Variants in TIAM1 observed in about 807,000 individuals in gnomAD.
TIAM1 encodes TIAM Rac1 associated GEF 1, also known as rho guanine nucleotide exchange factor TIAM1.
TIAM1 carries 65 observed loss-of-function variants against 163.5 expected under a neutral mutation model. That is an observed-to-expected ratio of 0.40 (90% CI 0.33 to 0.49). TIAM1 has a LOEUF of 0.49. Ranked by LOEUF, TIAM1 falls within the 20% of genes least tolerant of loss-of-function variation. TIAM1 has a pLI of 0.77. For missense variants in TIAM1, 1,789 were observed against 2,044.7 expected (o/e 0.87, Z 2.41); for synonymous variants, 833 against 810.1 (o/e 1.03, Z -0.48).
rs1187322512 is a variant in TIAM1, at chr21:31,529,906, G to T, written c.-422+29021C>A. 3.3e-5 allele frequency among the ~76,000 whole-genome samples: 5 copies of T among 152,218 alleles called. No homozygotes were observed. The South Asian group carries it at 8.3e-4, about 25-fold the overall frequency. On this transcript the variant is annotated intron_variant, in intron 1 of 28. Transcript: ENST00000286827. ...CCTCCTGTCAGTTTCTGTCATCTCC[G>T]CGGAAGTGTCATGGACATTACAGCA... is the stretch of plus-strand genomic sequence containing the variant.
chr21:31,304,405 T>C (rs985329685), intron 2 of TIAM1, among the ~76,000 whole-genome samples: 1 of 152,214 alleles, frequency 6.6e-6, no homozygotes, highest in African/African-American at 2.4e-5. Flanking sequence ...AATCCCAGTC[T>C]GAAGTTTTGA....
intron 1 of TIAM1, among the ~76,000 whole-genome samples, chr21:31,340,665 T>A (rs1490129732): frequency 2.6e-5 from 4 of 152,054 alleles, no homozygotes; most frequent in Non-Finnish European, 4.4e-5. Flanking sequence ...ATGACCAGCT[T>A]CCAAGTTAAA....
chr21:31,210,735 GAAGGAAGGAAGGGAGAAA>G (rs2086804134), intron 10 of TIAM1, among the ~76,000 whole-genome samples: 4 of 96,376 alleles, frequency 4.2e-5, no homozygotes, highest in African/African-American at 2.4e-4. Flanking sequence ...GAAAGAGAAA[GAAGGAAGGAAGGGAGAAA>G]GAAAGAAAGA....
At chr21:31,474,276 G>T (rs573233974) in intron 1 of TIAM1, among the ~76,000 whole-genome samples, 1 of 152,146 alleles carries the variant, frequency 6.6e-6, no homozygotes, top group Non-Finnish European at 1.5e-5. Context: ...AATCGTATTA[G>T]AGAATATTAA....
intron 2 of TIAM1, among the ~76,000 whole-genome samples, chr21:31,374,734 T>G (rs1460163418): frequency 2.6e-5 from 4 of 152,182 alleles, no homozygotes; most frequent in Non-Finnish European, 5.9e-5. Context: ...CAAGGCAATA[T>G]GGGATAAGAC....
chr21:31,233,271 AAAG>A (rs2088542019), intron 6 of TIAM1, among the ~76,000 whole-genome samples: 2 of 152,254 alleles, frequency 1.3e-5, no homozygotes, highest in Non-Finnish European at 2.9e-5. Context: ...AAAGAAAAAA[AAAG>A]AAAGTTACCA....
At chr21:31,551,289 T>C (rs2048677432) in intron 1 of TIAM1, among the ~76,000 whole-genome samples, 1 of 151,354 alleles carries the variant, frequency 6.6e-6, no homozygotes, top group Non-Finnish European at 1.5e-5. Context: ...ACACCTGTAA[T>C]CCCAGCTACT....
chr21:31,475,965 A>T (rs1234159992), intron 1 of TIAM1, among the ~76,000 whole-genome samples: 2 of 152,184 alleles, frequency 1.3e-5, no homozygotes, highest in Admixed American at 1.3e-4. Flanking sequence ...AATGCCTAAA[A>T]CGGCTGCCTA....
At chr21:31,502,690 AG>A (rs1185316000) in intron 1 of TIAM1, among the ~76,000 whole-genome samples, 1 of 152,192 alleles carries the variant, frequency 6.6e-6, no homozygotes, top group African/African-American at 2.4e-5. Flanking sequence ...ATCCGTCTTG[AG>A]TTTCCTGGTT....
chr21:31,218,453 T>C (rs368607116), intron 8 of TIAM1, among the ~76,000 whole-genome samples: 2 of 151,990 alleles, frequency 1.3e-5, no homozygotes, highest in Non-Finnish European at 2.9e-5. Flanking sequence ...CCTGTAATCC[T>C]AGCTACTTGG....
In TIAM1 at chr21:31,442,084, T is replaced by TATATATATATATATATAG. The variant is rs1389424801; in HGVS notation, c.-369+21898_-369+21899insCTATATATATATATATAT. Among the ~76,000 whole-genome samples the TATATATATATATATATAG allele has an allele frequency of 1.4e-4, 17 of 122,674 alleles. 1 individual carries two copies. The highest frequency in any genetic ancestry group is 5.3e-4 in the African/African-American group (17 of 32,068). The allele number at this position is 122,674 out of a possible 152,430, so 80.5% of individuals were successfully genotyped here. On this transcript the variant is annotated intron_variant, in intron 2 of 28. Coordinates refer to the TIAM1 transcript ENST00000286827. ...ACAAATAAATAAATATATATATATATATAGAACAATAAGGGTATTGTAACA... is the reference window on the plus strand; with the variant it reads ...ACAAATAAATAAATATATATATATATATATATATATATATATAGATAGAACAATAAGGGTATTGTAACA...
chr21:31,220,913 C>A (rs1329170305), intron 8 of TIAM1, among the ~76,000 whole-genome samples: 1 of 152,094 alleles, frequency 6.6e-6, no homozygotes, highest in Non-Finnish European at 1.5e-5. Flanking sequence ...ACAGCGAGGA[C>A]CCTTCAGTTA....
intron 2 of TIAM1, among the ~76,000 whole-genome samples, chr21:31,396,960 A>T (rs930145910): frequency 1.4e-4 from 22 of 152,108 alleles, no homozygotes; most frequent in Non-Finnish European, 2.2e-4. Flanking sequence ...CACACAAAAA[A>T]AATTTAAATA....
intron 4 of TIAM1, among the ~76,000 whole-genome samples, chr21:31,256,337 G>A (rs1044611127): frequency 1.2e-4 from 19 of 152,156 alleles, no homozygotes; most frequent in Non-Finnish European, 2.5e-4. Flanking sequence ...GCCACTTGTA[G>A]TTAAGTTATA....
intron 4 of TIAM1, 124 bp downstream of exon 4, chr21:31,265,886 A>C: frequency 7.5e-7 from 1 of 1,335,592 alleles, no homozygotes; most frequent in South Asian, 1.5e-5. Flanking sequence ...CACCAGCTGC[A>C]GCAACTACCA....
intron 1 of TIAM1, among the ~76,000 whole-genome samples, chr21:31,471,678 T>C (rs1418214740): frequency 6.6e-6 from 1 of 152,054 alleles, no homozygotes; most frequent in African/African-American, 2.4e-5. Context: ...GAGACCAGCC[T>C]GACCAACATG....
chr21:31,470,674 A>G (rs533109142), intron 1 of TIAM1, among the ~76,000 whole-genome samples: 1 of 152,220 alleles, frequency 6.6e-6, no homozygotes, highest in African/African-American at 2.4e-5. Flanking sequence ...GTATGTGTGC[A>G]TTTTTCTGAA....
chr21:31,264,272 C>G (rs537319774), intron 4 of TIAM1, among the ~76,000 whole-genome samples: 1 of 152,200 alleles, frequency 6.6e-6, no homozygotes, highest in South Asian at 2.1e-4. Flanking sequence ...AACTCTTGCT[C>G]CCCTCCCTCC....
chr21:31,248,135 T>C (rs2071604878), intron 5 of TIAM1, among the ~76,000 whole-genome samples: 1 of 152,140 alleles, frequency 6.6e-6, no homozygotes, highest in African/African-American at 2.4e-5. Context: ...GAAACCCTGC[T>C]CTAAATAGTT....
Sources: gnomAD v4.1 joint callset for allele counts (sites outside exome capture counted in the v4.1 genomes callset) on GRCh38, gnomAD v4.1.1 for gene constraint, MANE v1.5 for transcripts, NCBI Gene and HGNC (gene_info 2026-07-23, HGNC 2026-07-21) for gene names.